SIK2: variants seen among roughly 807,000 people sequenced by gnomAD.
SIK2 encodes the protein salt inducible kinase 2, also known as serine/threonine-protein kinase SIK2.
SIK2 carries 29 observed loss-of-function variants against 103.2 expected under a neutral mutation model. The observed-to-expected ratio is 0.28, with a 90% confidence interval of 0.21 to 0.38. The LOEUF is 0.38. Among genes scored for constraint, SIK2 ranks in the 10% least tolerant of loss-of-function variants. The pLI is 1.00. For synonymous variants in SIK2, 412 were observed against 446.1 expected, an observed-to-expected ratio of 0.92 and a Z score of 0.96; for missense variants, 879 against 1,171.0, an observed-to-expected ratio of 0.75 and a Z score of 3.64.
chr11:111,712,922 T>C (rs1943541686), intron 9 of SIK2, among the ~76,000 whole-genome samples: 1 of 152,200 alleles, frequency 6.6e-6, no homozygotes, highest in South Asian at 2.1e-4. Flanking sequence ...CCCAGCACTT[T>C]GGGAGGCCGA....
rs1944045761 is a variant in SIK2, at chr11:111,728,329, C to T, written c.*4200C>T. ...TTTGAGACAGAGTCTCGCTCTGTCA[C>T]CCAGGCTGGAATGCAGTGGCGTGAT... On this transcript the variant is annotated 3_prime_UTR_variant, in exon 15 of 15. Coordinates refer to ENST00000304987, the MANE Select transcript of SIK2 (RefSeq NM_015191.3). 6.6e-6 allele frequency: 1 copy of T among 151,988 alleles called. No homozygotes were observed. Among genetic ancestry groups the T allele is most frequent in the African/African-American group, 2.4e-5 (1 of 41,348 alleles). 9.4% of individuals were successfully genotyped at this position (151,988 alleles called of 1,614,324 possible). A position where few individuals can be genotyped will look rare whatever the true frequency, so the allele number is the denominator to read the frequency against.
intron 3 of SIK2, among the ~76,000 whole-genome samples, chr11:111,622,553 G>A (rs975734354): frequency 2.2e-4 from 34 of 152,092 alleles, no homozygotes; most frequent in Admixed American, 2.0e-3. Flanking sequence ...CGCACCCGGC[G>A]TCTGAAGGAT....
chr11:111,703,533 AC>A (rs1943267004), intron 7 of SIK2, 110 bp downstream of exon 7: 3 of 884,548 alleles, frequency 3.4e-6, no homozygotes, highest in South Asian at 1.6e-5. Context: ...GCCTAGGCGT[AC>A]TGTTCAGTGT....
At chr11:111,716,311 G>T (rs113037399) in intron 9 of SIK2, among the ~76,000 whole-genome samples, 2 of 152,050 alleles carry the variant, frequency 1.3e-5, no homozygotes, top group South Asian at 2.1e-4. Context: ...GGCCAGGTGC[G>T]GTGGCTTACA....
intron 3 of SIK2, among the ~76,000 whole-genome samples, chr11:111,630,275 C>T (rs1942019948): frequency 6.6e-6 from 1 of 152,074 alleles, no homozygotes; most frequent in South Asian, 2.1e-4. Flanking sequence ...ACAGTCAACA[C>T]TAATGGATAG....
At chr11:111,667,085 A>G (rs1428600518) in intron 3 of SIK2, among the ~76,000 whole-genome samples, 3 of 151,954 alleles carry the variant, frequency 2.0e-5, no homozygotes, top group Non-Finnish European at 4.4e-5. Flanking sequence ...CTCATGCCTC[A>G]GCCTCCCGAG....
intron 3 of SIK2, among the ~76,000 whole-genome samples, chr11:111,644,503 T>G (rs1317161061): frequency 6.6e-6 from 1 of 152,112 alleles, no homozygotes; most frequent in Non-Finnish European, 1.5e-5. Flanking sequence ...TTCAACTGCT[T>G]AAGCTTTATT....
At position 111,726,939 on chromosome 11, in the gene SIK2, T is replaced by C. The variant is rs777582267; in HGVS notation, c.*2810T>C. 1 of 1,607,628 alleles carries C rather than the reference T, an allele frequency of 6.2e-7. No individual in the cohort carries two copies. The highest frequency in any genetic ancestry group is 1.7e-5 in the Admixed American group (1 of 59,900). The stretch of plus-strand genomic sequence containing the variant: ...GCAATATGTGTGGTACTTTATTTTT[T>C]ATGTTCTTTTTTTAAATCTGGGGTA... On this transcript the variant is annotated 3_prime_UTR_variant, in exon 15 of 15. Transcript: ENST00000304987.
Position 111,721,079 on chromosome 11 carries a change from C to CTTCCCTCAA in SIK2, c.1944+19_1944+27dup. Reference sequence around the variant, plus strand: ...TGCCCTCAGGTGGGTACCTTGGGCCCTTCCCTCAATGGCTCTGTGAGGATG... The same window carrying CTTCCCTCAA: ...TGCCCTCAGGTGGGTACCTTGGGCCCTTCCCTCAATTCCCTCAATGGCTCTGTGAGGATG... On this transcript the variant is annotated intron_variant, in intron 12 of 14. Transcript: ENST00000304987. 6.2e-7 allele frequency: 1 copy of CTTCCCTCAA among 1,602,860 alleles called. No individual in the cohort carries two copies. The highest frequency in any genetic ancestry group is 8.5e-7 in the Non-Finnish European group (1 of 1,176,300).
In SIK2 at chr11:111,688,841, C is replaced by T. The variant is rs1014020493; in HGVS notation, c.478+679C>T. ...TGTGGAAATCATTTCACAACATATC[C>T]ATATATAAAAATAGCATGTACACCT... On this transcript the variant is annotated intron_variant, in intron 4 of 14. Coordinates refer to ENST00000304987, the MANE Select transcript of SIK2 (RefSeq NM_015191.3). The surrounding 1 kb of genome is among the most constrained non-coding windows in gnomAD (Gnocchi z 4.2). 1.3e-5 allele frequency among the ~76,000 whole-genome samples: 2 copies of T among 152,018 alleles called. No homozygotes were observed. The highest frequency in any genetic ancestry group is 6.5e-5 in the Admixed American group (1 of 15,278).
chr11:111,645,169 C>A (rs2135859129), intron 3 of SIK2, among the ~76,000 whole-genome samples: 1 of 152,278 alleles, frequency 6.6e-6, no homozygotes, highest in Middle Eastern at 3.4e-3. Context: ...CTACTGGTGA[C>A]ATATAAATTA....
At chr11:111,719,421 CCCTCTT>C (rs1371284832) in intron 9 of SIK2, among the ~76,000 whole-genome samples, 3 of 147,426 alleles carry the variant, frequency 2.0e-5, no homozygotes, top group Admixed American at 2.0e-4. Context: ...CTCATCTTCC[CCCTCTT>C]CATTTCCCTT....
intron 2 of SIK2, among the ~76,000 whole-genome samples, chr11:111,619,899 T>G (rs1941859704): frequency 6.6e-6 from 1 of 152,212 alleles, no homozygotes; most frequent in South Asian, 2.1e-4. Context: ...TTTTATTCTT[T>G]TAATCGGAAT....
At position 111,602,994 on chromosome 11, in the gene SIK2, C is replaced by G. The variant is rs1321238385; in HGVS notation, c.135+296C>G. On this transcript the variant is annotated intron_variant, in intron 1 of 14. Transcript: ENST00000304987. The surrounding 1 kb of genome is among the most constrained non-coding windows in gnomAD (Gnocchi z 4.5). Reference sequence around the variant, plus strand: ...CCACCCGGAATTTCGCCCAGAGCCCCCCACCCGGGCCGTGACCTGGTCTGT... The same window carrying G: ...CCACCCGGAATTTCGCCCAGAGCCCGCCACCCGGGCCGTGACCTGGTCTGT... 1.3e-5 allele frequency among the ~76,000 whole-genome samples: 2 copies of G among 152,152 alleles called. No homozygotes were observed. The highest frequency in any genetic ancestry group is 2.9e-5 in the Non-Finnish European group (2 of 67,988).
intron 3 of SIK2, among the ~76,000 whole-genome samples, chr11:111,674,104 C>T (rs567902934): frequency 1.3e-5 from 2 of 150,984 alleles, no homozygotes; most frequent in Admixed American, 1.3e-4. Flanking sequence ...AAAAAAAAAG[C>T]TTAGAGGTTA....
rs1943814111 is a variant in SIK2 at position 111,721,914 on chromosome 11, A to C, written c.2029A>C (p.Thr677Pro). 6.2e-7 allele frequency: 1 copy of C among 1,610,250 alleles called. No homozygotes were observed. The change falls in exon 13 of 15, where the codon ACC becomes CCC. Residue 677 changes from threonine (T) to proline (P), a missense_variant. By Grantham distance (38) the Thr-to-Pro change is conservative (BLOSUM62 -1). Around this residue, in one of 7 missense-constraint regions of SIK2, gnomAD observed 375 missense variants for 416.3 expected, o/e 0.90. Transcript: ENST00000304987. ...PQLSPRQSLETQYLQHRLQKP... is the reference protein window; with the variant it reads ...PQLSPRQSLEPQYLQHRLQKP... The stretch of plus-strand genomic sequence containing the variant: ...GCTGTCCCCACGGCAGAGCCTGGAG[A>C]CCCAGTACCTGCAGCACAGACTCCA...
chr11:111,695,587 C>G (rs559056567), intron 4 of SIK2, among the ~76,000 whole-genome samples: 95 of 152,060 alleles, frequency 6.2e-4, no homozygotes, highest in Non-Finnish European at 1.1e-3. Flanking sequence ...TGTTTTCTGG[C>G]TAGTCAAAAA....
intron 7 of SIK2, among the ~76,000 whole-genome samples, chr11:111,703,808 T>C (rs1943273066): frequency 6.6e-6 from 1 of 152,066 alleles, no homozygotes; most frequent in South Asian, 2.1e-4. Context: ...GAAGGGTAGG[T>C]ATCAGGTTTA....
Position 111,631,479 on chromosome 11 carries a change from T to G in SIK2, c.316+11077T>G, listed in dbSNP as rs115456078. On this transcript the variant is annotated intron_variant, in intron 3 of 14. Coordinates refer to ENST00000304987, the MANE Select transcript of SIK2 (RefSeq NM_015191.3). ...TTAGAATGGTGGAAGATGAAATGCATGTAAGAGTTGCTGTGGTCAGAGAGG... is the reference window on the plus strand; with the variant it reads ...TTAGAATGGTGGAAGATGAAATGCAGGTAAGAGTTGCTGTGGTCAGAGAGG... Among the ~76,000 whole-genome samples, 1,047 of 152,150 alleles carry G rather than the reference T, an allele frequency of 6.9e-3. 13 individuals are homozygous for G. The highest frequency in any genetic ancestry group is 0.024 in the African/African-American group (1,004 of 41,528).
Sources: gnomAD v4.1 joint callset for allele counts (sites outside exome capture counted in the v4.1 genomes callset) on GRCh38, gnomAD v4.1.1 for gene constraint, gnomAD v4.1.1 regional missense constraint, Gnocchi (gnomAD v3.1) non-coding constraint, MANE v1.5 for transcripts, NCBI Gene and HGNC (gene_info 2026-07-23, HGNC 2026-07-21) for gene names.